USP6NL: variants seen among roughly 807,000 people sequenced by gnomAD.
USP6NL encodes the protein USP6 N-terminal-like protein.
A neutral mutation model predicts 61.9 loss-of-function variants in USP6NL; 26 were observed. The observed-to-expected ratio is 0.42, with a 90% CI of 0.31 to 0.58. USP6NL has a LOEUF of 0.58. Ranked by LOEUF, USP6NL falls within the 20% of genes least tolerant of loss-of-function variation. The pLI, the probability that USP6NL is intolerant of heterozygous loss-of-function variation, is 0.16. For synonymous variants in USP6NL, 432 were observed against 390.1 expected (o/e 1.11, Z -1.27); for missense variants, 1,114 against 1,034.3 (o/e 1.08, Z -1.06).
chr10:11,518,662 CA>C lies in USP6NL; in HGVS notation c.156-89del. On this transcript the variant is annotated intron_variant, in intron 4 of 14. Transcript: ENST00000609104. The surrounding 1 kb of genome is among the most constrained non-coding windows in gnomAD (Gnocchi z 5.3). ...TATACTTATAGATACATATGACATA[CA>C]ATATTTATTTGTCATCACAAGAGTT... The C allele has an allele frequency of 1.0e-6, 1 of 972,714 alleles. No homozygotes were observed. The highest frequency in any genetic ancestry group is 1.6e-6 in the Non-Finnish European group (1 of 631,738). 60.3% of individuals were successfully genotyped at this position (972,714 alleles called of 1,614,324 possible).
rs1424585495 is a variant in USP6NL at position 11,461,148 on chromosome 10, G to A, written c.*1293C>T. 6.6e-6 allele frequency: 1 copy of A among 152,402 alleles called. No individual in the cohort carries two copies. The allele number at this position is 152,402 out of a possible 1,614,324, so 9.4% of individuals were successfully genotyped here. A position where few individuals can be genotyped will look rare whatever the true frequency, so the allele number is the denominator to read the frequency against. Reference sequence around the variant, plus strand: ...GAAAACAAGCTCCCCAATTAAACACGAAGTCATACTCTCTTGGAGTGCCTA... The same window carrying A: ...GAAAACAAGCTCCCCAATTAAACACAAAGTCATACTCTCTTGGAGTGCCTA... On this transcript the variant is annotated 3_prime_UTR_variant, in exon 15 of 15. Transcript: ENST00000609104.
intron 2 of USP6NL, among the ~76,000 whole-genome samples, chr10:11,559,096 T>A (rs956818020): frequency 2.6e-5 from 4 of 152,128 alleles, no homozygotes; most frequent in African/African-American, 9.7e-5. Flanking sequence ...CAGGTCCAAG[T>A]GTAATAGAGC....
At position 11,476,631 on chromosome 10, in the gene USP6NL, GTAAAA is replaced by G. The variant is rs971421634; in HGVS notation, c.1078+5134_1078+5138del. On this transcript the variant is annotated intron_variant, in intron 14 of 14. Coordinates refer to ENST00000609104, the MANE Select transcript of USP6NL (RefSeq NM_014688.5). This position sits in a 1 kb window ranked among gnomAD's most constrained non-coding sequence, Gnocchi z 4.3. ...TCTGTATTTTTGATAGTTTTCATAA[GTAAAA>G]TAAAAGATGCCAAACCCACACACAA... Among the ~76,000 whole-genome samples, 3 of 152,000 alleles carry G rather than the reference GTAAAA, an allele frequency of 2.0e-5. No individual in the cohort carries two copies. The highest frequency in any genetic ancestry group is 4.4e-5 in the Non-Finnish European group (3 of 67,980).
At chr10:11,557,572 G>A (rs1836759805) in intron 2 of USP6NL, among the ~76,000 whole-genome samples, 1 of 152,182 alleles carries the variant, frequency 6.6e-6, no homozygotes, top group East Asian at 1.9e-4. Flanking sequence ...GCTGAAACCT[G>A]ACGACAGTGG....
At chr10:11,523,709 T>A (rs1039358048) in intron 4 of USP6NL, among the ~76,000 whole-genome samples, 4 of 152,204 alleles carry the variant, frequency 2.6e-5, no homozygotes, top group African/African-American at 9.6e-5. Flanking sequence ...AGGTAATTAA[T>A]AGATCCATTT....
In USP6NL at chr10:11,561,465, C is replaced by G. The variant is rs1018583325; in HGVS notation, c.5-33898G>C. 3.3e-5 allele frequency among the ~76,000 whole-genome samples: 5 copies of G among 152,322 alleles called. No homozygotes were observed. The highest frequency in any genetic ancestry group is 2.6e-4 in the Admixed American group (4 of 15,304). ...AACACACGCATATGTATAAGGCACA[C>G]AACAGAACCATACTAAGCACATTGC... On this transcript the variant is annotated intron_variant, in intron 2 of 14. Coordinates refer to ENST00000609104, the MANE Select transcript of USP6NL (RefSeq NM_014688.5). This position sits in a 1 kb window ranked among gnomAD's most constrained non-coding sequence, Gnocchi z 4.1.
At chr10:11,560,527 C>G (rs188689147) in intron 2 of USP6NL, among the ~76,000 whole-genome samples, 3 of 151,638 alleles carry the variant, frequency 2.0e-5, no homozygotes, top group African/African-American at 7.3e-5. Flanking sequence ...CATGCTACCC[C>G]CCTCCTTTCC....
At chr10:11,606,258 T>C (rs1367688609) in intron 1 of USP6NL, among the ~76,000 whole-genome samples, 1 of 152,202 alleles carries the variant, frequency 6.6e-6, no homozygotes, top group Non-Finnish European at 1.5e-5. Context: ...CAGCAAAATA[T>C]ATCTTTCCAG....
rs4385789 is a variant in USP6NL, at chr10:11,540,951, A to G, written c.5-13384T>C. The stretch of plus-strand genomic sequence containing the variant: ...GGTAACACTGAATGGGATTTAATAA[A>G]TAAAAGTGCTCATATCACACTAAAA... On this transcript the variant is annotated intron_variant, in intron 2 of 14. Transcript: ENST00000609104. This position sits in a 1 kb window ranked among gnomAD's most constrained non-coding sequence, Gnocchi z 5.0. Among the ~76,000 whole-genome samples, 1,772 of 152,038 alleles carry G rather than the reference A, an allele frequency of 0.012. 38 individuals carry two copies. Among genetic ancestry groups the G allele is most frequent in the African/African-American group, 0.038 (1,564 of 41,472 alleles).
Position 11,465,133 on chromosome 10 carries a change from T to C in USP6NL, c.1079-1284A>G, listed in dbSNP as rs1016856388. Among the ~76,000 whole-genome samples the C allele has an allele frequency of 3.3e-5, 5 of 152,186 alleles. No homozygotes were observed. On this transcript the variant is annotated intron_variant, in intron 14 of 14. Transcript: ENST00000609104. The surrounding 1 kb of genome is among the most constrained non-coding windows in gnomAD (Gnocchi z 4.5). ...ACAAACACAATTTATCAAGAAGATA[T>C]AAAGACATGAATAATAGAAAGACTG...
chr10:11,487,290 C>T lies in USP6NL; in HGVS notation c.665-1379G>A, dbSNP rs1174585975. On this transcript the variant is annotated intron_variant, in intron 10 of 14. Transcript: ENST00000609104. The surrounding 1 kb of genome is among the most constrained non-coding windows in gnomAD (Gnocchi z 4.2). ...ATTTATAAGTGAAACCACCTTCACA[C>T]TAGAAAGTAACCTTTAGTTATAAAA... is the stretch of plus-strand genomic sequence containing the variant. Among the ~76,000 whole-genome samples the T allele has an allele frequency of 6.6e-6, 1 of 152,130 alleles. No individual in the cohort carries two copies. Among genetic ancestry groups the T allele is most frequent in the Non-Finnish European group, 1.5e-5 (1 of 68,026 alleles).
chr10:11,530,101 C>CA (rs900768943), intron 2 of USP6NL, among the ~76,000 whole-genome samples: 4,101 of 71,050 alleles, frequency 0.058, 158 homozygotes, highest in Non-Finnish European at 0.085. Context: ...GACCCTGTCT[C>CA]AAAAAAAAAA....
At chr10:11,571,256 T>C (rs545049454) in intron 2 of USP6NL, among the ~76,000 whole-genome samples, 5 of 152,124 alleles carry the variant, frequency 3.3e-5, no homozygotes, top group African/African-American at 1.2e-4. Flanking sequence ...GCTAATTTTG[T>C]GGTTTTTTCA....
chr10:11,590,817 T>A (rs188599420), intron 2 of USP6NL, among the ~76,000 whole-genome samples: 1 of 152,176 alleles, frequency 6.6e-6, no homozygotes, highest in African/African-American at 2.4e-5. Flanking sequence ...AACACGCACC[T>A]GCATTTGGAA....
intron 2 of USP6NL, among the ~76,000 whole-genome samples, chr10:11,565,980 G>C (rs1219813926): frequency 6.6e-6 from 1 of 152,150 alleles, no homozygotes; most frequent in African/African-American, 2.4e-5. Context: ...ACAGATAATA[G>C]TGCTCCACAT....
At chr10:11,593,705 A>G (rs1259520839) in intron 2 of USP6NL, among the ~76,000 whole-genome samples, 2 of 152,190 alleles carry the variant, frequency 1.3e-5, no homozygotes, top group African/African-American at 4.8e-5. Context: ...CTATATATCC[A>G]CCAGAATAAA....
In USP6NL at chr10:11,602,553, A is replaced by G. The variant is rs1838572444; in HGVS notation, c.-83-4836T>C. Among the ~76,000 whole-genome samples, 1 of 152,190 alleles carries G rather than the reference A, an allele frequency of 6.6e-6. No homozygotes were observed. The highest frequency in any genetic ancestry group is 1.5e-5 in the Non-Finnish European group (1 of 68,032). ...CGCATCATGGAATGTACAGCACAGT[A>G]ATTTCAGTACCCTCCTTCCTTCATT... On this transcript the variant is annotated intron_variant, in intron 1 of 14. Transcript: ENST00000609104. The surrounding 1 kb of genome is among the most constrained non-coding windows in gnomAD (Gnocchi z 4.8).
In USP6NL at chr10:11,481,075, CCT is replaced by C. The variant is rs1262667777; in HGVS notation, c.1078+693_1078+694del. Among the ~76,000 whole-genome samples the C allele has an allele frequency of 6.6e-6, 1 of 152,114 alleles. No homozygotes were observed. Among genetic ancestry groups the C allele is most frequent in the Non-Finnish European group, 1.5e-5 (1 of 68,032 alleles). Reference sequence around the variant, plus strand: ...CTAGCTCTAGTAATGCCCCATTCACCCTCTGTTATCATTCTCGTATATTCTAG... The same window carrying C: ...CTAGCTCTAGTAATGCCCCATTCACCCTGTTATCATTCTCGTATATTCTAG... On this transcript the variant is annotated intron_variant, in intron 14 of 14. Coordinates refer to ENST00000609104, the MANE Select transcript of USP6NL (RefSeq NM_014688.5). This position sits in a 1 kb window ranked among gnomAD's most constrained non-coding sequence, Gnocchi z 4.4.
chr10:11,472,863 G>A (rs1832814961), intron 14 of USP6NL, among the ~76,000 whole-genome samples: 1 of 152,136 alleles, frequency 6.6e-6, no homozygotes, highest in South Asian at 2.1e-4. Flanking sequence ...AGGAAAAAGA[G>A]ACTATTATGT....
Sources: allele counts gnomAD v4.1 joint callset (sites outside exome capture counted in the v4.1 genomes callset), GRCh38; gene constraint gnomAD v4.1.1; non-coding constraint Gnocchi (gnomAD v3.1); transcripts MANE v1.5; gene names NCBI Gene and HGNC (gene_info 2026-07-23, HGNC 2026-07-21).